Variants in IQCM observed in about 807,000 individuals in gnomAD.
IQCM encodes the protein IQ domain-containing protein M.
In IQCM, 45 loss-of-function variants were observed where a neutral mutation model predicts 57.6. That is an observed-to-expected ratio of 0.78 (90% CI 0.62 to 1.00). IQCM has a LOEUF of 1.00. Among genes scored for constraint, IQCM ranks in the 50% least tolerant of loss-of-function variants. The pLI, the probability that IQCM is intolerant of heterozygous loss-of-function variation, is 0.00. For synonymous variants in IQCM, 148 were observed against 158.9 expected, an observed-to-expected ratio of 0.93 and a Z score of 0.51; for missense variants, 468 against 511.6, an observed-to-expected ratio of 0.91 and a Z score of 0.82.
chr4:149,706,491 T>C (rs1054554929), intron 5 of IQCM, among the ~76,000 whole-genome samples: 2 of 151,984 alleles, frequency 1.3e-5, no homozygotes, highest in African/African-American at 4.8e-5. Context: ...ACATCAGCTA[T>C]TTCACACATT....
chr4:149,508,739 G>A (rs1339710243), intron 12 of IQCM, among the ~76,000 whole-genome samples: 1 of 152,136 alleles, frequency 6.6e-6, no homozygotes, highest in East Asian at 1.9e-4. Context: ...GGGGATTGTT[G>A]GGAAGGCATG....
intron 2 of IQCM, among the ~76,000 whole-genome samples, chr4:149,806,402 T>C (rs916151134): frequency 2.0e-5 from 3 of 151,960 alleles, no homozygotes; most frequent in Non-Finnish European, 4.4e-5. Flanking sequence ...TTCTCTACTG[T>C]ATTATCAAAT....
At position 149,635,306 on chromosome 4, in the gene IQCM, G is replaced by C. The variant is rs548835462; in HGVS notation, c.566-14062C>G. Among the ~76,000 whole-genome samples the C allele has an allele frequency of 7.9e-5, 12 of 152,278 alleles. No individual in the cohort carries two copies. In the South Asian group the frequency reaches 2.5e-3, roughly 32 times the overall value. ...AATTCCTAGATCAGAACTATTCTCA[G>C]TTAGAGCAAAGCATCAGAAATGTGT... On this transcript the variant is annotated intron_variant, in intron 7 of 13. Transcript: ENST00000636793.
intron 12 of IQCM, among the ~76,000 whole-genome samples, chr4:149,493,897 A>T (rs1742371295): frequency 6.6e-6 from 1 of 151,808 alleles, no homozygotes; most frequent in Non-Finnish European, 1.5e-5. Flanking sequence ...AAAAAAAAAA[A>T]AATCTATATT....
chr4:149,635,607 C>T (rs969364224), intron 7 of IQCM, among the ~76,000 whole-genome samples: 22 of 152,130 alleles, frequency 1.4e-4, no homozygotes, highest in Admixed American at 1.1e-3. Flanking sequence ...CTGAAAATAG[C>T]TTATCATTAA....
intron 12 of IQCM, among the ~76,000 whole-genome samples, chr4:149,526,329 G>A (rs1311167776): frequency 2.0e-5 from 3 of 151,802 alleles, no homozygotes; most frequent in African/African-American, 7.2e-5. Flanking sequence ...CATTGAAACG[G>A]GTTAGAAGAT....
At chr4:149,716,445 C>T (rs1312997793) in intron 5 of IQCM, among the ~76,000 whole-genome samples, 2 of 152,184 alleles carry the variant, frequency 1.3e-5, no homozygotes, top group African/African-American at 4.8e-5. Flanking sequence ...CAGGTGGAGC[C>T]TCCCAGGCCC....
At chr4:149,559,093 C>G (rs1465162593) in intron 10 of IQCM, among the ~76,000 whole-genome samples, 1 of 152,134 alleles carries the variant, frequency 6.6e-6, no homozygotes. Flanking sequence ...CCACCCTCCT[C>G]CTTATCTCCA....
At chr4:149,747,293 G>A (rs1427820211) in intron 2 of IQCM, among the ~76,000 whole-genome samples, 1 of 152,180 alleles carries the variant, frequency 6.6e-6, no homozygotes, top group Admixed American at 6.5e-5. Context: ...CTCTGTATAT[G>A]AAGGATCGAT....
At chr4:149,732,985 GGAA>G (rs1358257179) in intron 5 of IQCM, among the ~76,000 whole-genome samples, 3 of 152,126 alleles carry the variant, frequency 2.0e-5, no homozygotes, top group African/African-American at 7.2e-5. Flanking sequence ...ATTTTCACTA[GGAA>G]GAAGATCACT....
chr4:149,602,108 A>G (rs991341716), intron 8 of IQCM, among the ~76,000 whole-genome samples: 1 of 152,020 alleles, frequency 6.6e-6, no homozygotes, highest in Non-Finnish European at 1.5e-5. Context: ...ATCAATAAAA[A>G]TATACAAGGA....
intron 12 of IQCM, among the ~76,000 whole-genome samples, chr4:149,506,833 C>A (rs1177632188): frequency 6.6e-6 from 1 of 152,134 alleles, no homozygotes; most frequent in Non-Finnish European, 1.5e-5. Flanking sequence ...TGCTCTGACA[C>A]TGCAGTGTCA....
intron 2 of IQCM, among the ~76,000 whole-genome samples, chr4:149,762,817 T>G (rs1475038986): frequency 6.6e-6 from 1 of 152,096 alleles, no homozygotes; most frequent in Non-Finnish European, 1.5e-5. Flanking sequence ...CTTAATACTT[T>G]ATTTGAATCA....
intron 8 of IQCM, among the ~76,000 whole-genome samples, chr4:149,616,632 T>C (rs966294629): frequency 2.0e-5 from 3 of 152,058 alleles, no homozygotes; most frequent in African/African-American, 7.2e-5. Context: ...AAACAATAAT[T>C]TTAAATTATT....
intron 12 of IQCM, among the ~76,000 whole-genome samples, chr4:149,481,470 A>G (rs370180121): frequency 3.3e-5 from 5 of 151,968 alleles, no homozygotes; most frequent in African/African-American, 1.2e-4. Context: ...ATTCTTCTGC[A>G]TATGGATAAC....
chr4:149,729,509 T>C (rs148106616), intron 5 of IQCM, among the ~76,000 whole-genome samples: 3,563 of 152,066 alleles, frequency 0.023, 62 homozygotes, highest in South Asian at 0.041. Flanking sequence ...GGAGTCTCAC[T>C]CTGTTGCCAG....
intron 12 of IQCM, among the ~76,000 whole-genome samples, chr4:149,527,065 C>T (rs2149841925): frequency 6.6e-6 from 1 of 152,230 alleles, no homozygotes; most frequent in East Asian, 1.9e-4. Context: ...GAATTATTAT[C>T]TCAGCGAGAA....
chr4:149,648,683 G>C (rs1758872967), intron 7 of IQCM, among the ~76,000 whole-genome samples: 1 of 152,068 alleles, frequency 6.6e-6, no homozygotes, highest in Non-Finnish European at 1.5e-5. Flanking sequence ...TCACTCATAG[G>C]TGGGAATTGA....
In IQCM at chr4:149,406,696, A is replaced by T. The variant is rs186884915; in HGVS notation, c.1390+26700T>A. Among the ~76,000 whole-genome samples the T allele has an allele frequency of 2.2e-4, 34 of 152,302 alleles. No homozygotes were observed. The East Asian group carries it at 6.6e-3, about 30-fold the overall frequency. ...CACAAACTGAATTATTTATTGATGA[A>T]TTCCTTGAATTATAGCAGCTGTAAT... On this transcript the variant is annotated intron_variant, in intron 13 of 13. Transcript: ENST00000636793.
Sources: gnomAD v4.1 joint callset for allele counts (sites outside exome capture counted in the v4.1 genomes callset) on GRCh38, gnomAD v4.1.1 for gene constraint, MANE v1.5 for transcripts, NCBI Gene and HGNC (gene_info 2026-07-23, HGNC 2026-07-21) for gene names.